Variants in SFXN3 observed in about 807,000 individuals in gnomAD.
The protein encoded by SFXN3 is sideroflexin-3.
SFXN3 carries 31 observed loss-of-function variants against 40.4 expected under a neutral mutation model. The ratio of observed to expected loss-of-function variants is 0.77; its 90% confidence interval spans 0.58 to 1.04. The LOEUF (loss-of-function observed/expected upper bound fraction) is 1.04. Ranked by LOEUF, SFXN3 falls within the 50% of genes least tolerant of loss-of-function variation. The pLI, the probability that SFXN3 is intolerant of heterozygous loss-of-function variation, is 0.00. For missense variants in SFXN3, 366 were observed against 408.2 expected, an observed-to-expected ratio of 0.90 and a Z score of 0.89; for synonymous variants, 157 against 160.0, an observed-to-expected ratio of 0.98 and a Z score of 0.14.
chr10:101,034,885 C>T (rs1418470515), intron 3 of SFXN3, 30 bp downstream of exon 3: 2 of 1,599,652 alleles, frequency 1.3e-6, no homozygotes, highest in Admixed American at 3.5e-5. Context: ...ACCCTGTGTG[C>T]CAGGATCTCA....
chr10:101,034,724 C>A, exon 3 of SFXN3: 2 of 1,614,084 alleles, frequency 1.2e-6, no homozygotes, highest in Non-Finnish European at 1.7e-6. Context: ...ACATCAACAT[C>A]CAGGAACCTC....
At position 101,039,385 on chromosome 10, in the gene SFXN3, A is replaced by C. The variant is rs1938787540; in HGVS notation, c.870-104A>C. On this transcript the variant is annotated intron_variant, in intron 11 of 11. Transcript: ENST00000393459. The surrounding 1 kb of genome is among the most constrained non-coding windows in gnomAD (Gnocchi z 4.6). ...AGTGAGCCAGTCCTTCTGGCAGTAG[A>C]AGGAGAGGATTTTTCAGCCTGGGAG... The C allele has an allele frequency of 6.4e-6, 8 of 1,256,326 alleles. No individual in the cohort carries two copies. Among genetic ancestry groups the C allele is most frequent in the Non-Finnish European group, 9.3e-6 (8 of 858,454 alleles). The allele number at this position is 1,256,326 out of a possible 1,614,324, so 77.8% of individuals were successfully genotyped here. A position where few individuals can be genotyped will look rare whatever the true frequency, so the allele number is the denominator to read the frequency against.
At chr10:101,035,472 G>A (rs759400997) in intron 3 of SFXN3, 25 bp from the exon 4 acceptor site, 2 of 1,584,342 alleles carry the variant, frequency 1.3e-6, no homozygotes, top group East Asian at 2.2e-5. Context: ...GGCATAGCCT[G>A]TCTGCTCCTT....
In SFXN3 at chr10:101,037,794, A is replaced by G. The variant is rs1165444780; in HGVS notation, c.771+363A>G. 4 of 1,164,474 alleles carry G rather than the reference A, an allele frequency of 3.4e-6. No homozygotes were observed. The East Asian group carries it at 2.1e-4, about 60-fold the overall frequency. 72.1% of individuals were successfully genotyped at this position (1,164,474 alleles called of 1,614,324 possible). On this transcript the variant is annotated intron_variant, in intron 9 of 11. Coordinates refer to ENST00000393459, the Ensembl canonical transcript of SFXN3. ...GGTGAACACGCACACACAGACATGA[A>G]CAGGACACGAAAGCAAAGCACAGGA... is the stretch of plus-strand genomic sequence containing the variant.
rs1344554067 is a variant in SFXN3, at chr10:101,032,432, C to G, written c.-54C>G. The G allele has an allele frequency of 2.6e-6, 4 of 1,516,602 alleles. No homozygotes were observed. The East Asian group carries it at 1.1e-4, about 41-fold the overall frequency. 93.9% of individuals were successfully genotyped at this position (1,516,602 alleles called of 1,614,324 possible). ...GGCTGGGAGGGCCCGGCGGCGACAG[C>G]GGAGGCAGAGAGGAAGGCGGTTCTG... is the stretch of plus-strand genomic sequence containing the variant. On this transcript the variant is annotated 5_prime_UTR_variant, in exon 2 of 12. Transcript: ENST00000393459.
exon 1 of SFXN3, chr10:101,031,258 A>C (rs1331168084): frequency 2.0e-5 from 3 of 152,438 alleles, no homozygotes; most frequent in East Asian, 3.9e-4. Context: ...CTTAGGCGCC[A>C]GGGACAGCCG....
At chr10:101,038,675 G>A in exon 10 of SFXN3, 2 of 1,612,456 alleles carry the variant, frequency 1.2e-6, no homozygotes, top group Non-Finnish European at 1.7e-6. Context: ...CCCTGCAGGT[G>A]GGACTGGTGG....
At chr10:101,032,221 C>T in intron 1 of SFXN3, 93 bp from the exon 2 acceptor site, 2 of 471,126 alleles carry the variant, frequency 4.2e-6, no homozygotes, top group Non-Finnish European at 7.6e-6. Flanking sequence ...GAACTGATCC[C>T]CGAGGTGGGA....
exon 12 of SFXN3, chr10:101,040,405 C>G (rs1293560422): frequency 6.6e-6 from 1 of 152,214 alleles, no homozygotes; most frequent in Non-Finnish European, 1.5e-5. Context: ...AACAAAAAGC[C>G]ACAGAGGCAG....
At chr10:101,038,663 A>C (rs779354565) in exon 10 of SFXN3, 4 of 1,613,054 alleles carry the variant, frequency 2.5e-6, no homozygotes, top group South Asian at 1.1e-5. Context: ...GGCTGGGGGC[A>C]CCCCTGCAGG....
chr10:101,034,081 C>G (rs989535897), intron 2 of SFXN3, among the ~76,000 whole-genome samples: 1 of 151,996 alleles, frequency 6.6e-6, no homozygotes, highest in African/African-American at 2.4e-5. Context: ...AGGCTTTCCT[C>G]TTTTACTAAT....
At chr10:101,038,413 A>T in intron 9 of SFXN3, 2 of 1,412,852 alleles carry the variant, frequency 1.4e-6, no homozygotes, top group Non-Finnish European at 1.8e-6. Context: ...CAATTCTGAG[A>T]GGTGAGAGGT....
chr10:101,031,757 T>C (rs1938218462), intron 1 of SFXN3, among the ~76,000 whole-genome samples: 1 of 151,920 alleles, frequency 6.6e-6, no homozygotes, highest in African/African-American at 2.4e-5. Flanking sequence ...GGGGTGGGGC[T>C]ACGGTCTGGG....
At chr10:101,033,565 G>A (rs182567145) in intron 2 of SFXN3, among the ~76,000 whole-genome samples, 8 of 152,210 alleles carry the variant, frequency 5.3e-5, no homozygotes, top group African/African-American at 1.7e-4. Context: ...ACACCTGTGG[G>A]TATTTCTAGT....
At chr10:101,041,000 G>C (rs184783122) in exon 12 of SFXN3, 2 of 151,020 alleles carry the variant, frequency 1.3e-5, no homozygotes, top group Admixed American at 6.6e-5. Flanking sequence ...GGAAGGGCCC[G>C]GGCATCAGTG....
Position 101,036,874 on chromosome 10 carries a change from C to A in SFXN3, c.593+66C>A. On this transcript the variant is annotated intron_variant, in intron 7 of 11. Transcript: ENST00000393459. The surrounding 1 kb of genome is among the most constrained non-coding windows in gnomAD (Gnocchi z 4.2). ...TAGCACACTGTCCATCCACGCAGAC[C>A]ACCTCAGAATGGGGACATCCCTCTC... 1.3e-6 allele frequency: 2 copies of A among 1,582,264 alleles called. No individual in the cohort carries two copies. The highest frequency in any genetic ancestry group is 1.7e-6 in the Non-Finnish European group (2 of 1,158,026).
chr10:101,039,257 G>A lies in SFXN3; in HGVS notation c.869+35G>A, dbSNP rs1436609847. Reference sequence around the variant, plus strand: ...GTCCCTGGGCTGGGTGGGGGACTCTGGATTGGACTCTGCATCTCTGGACCA... The same window carrying A: ...GTCCCTGGGCTGGGTGGGGGACTCTAGATTGGACTCTGCATCTCTGGACCA... On this transcript the variant is annotated intron_variant, in intron 11 of 11. Transcript: ENST00000393459. The surrounding 1 kb of genome is among the most constrained non-coding windows in gnomAD (Gnocchi z 4.6). 1.3e-6 allele frequency: 2 copies of A among 1,574,022 alleles called. No individual in the cohort carries two copies. Among genetic ancestry groups the A allele is most frequent in the Non-Finnish European group, 1.7e-6 (2 of 1,155,176 alleles).
intron 9 of SFXN3, chr10:101,038,284 A>G: frequency 8.3e-7 from 1 of 1,206,936 alleles, no homozygotes; most frequent in South Asian, 2.0e-5. Context: ...GGAAAGGGTC[A>G]GATTCATGCC....
rs1011713529 is a variant in SFXN3, at chr10:101,039,871, G to C, written c.*286G>C. On this transcript the variant is annotated 3_prime_UTR_variant, in exon 12 of 12. Transcript: ENST00000393459. The surrounding 1 kb of genome is among the most constrained non-coding windows in gnomAD (Gnocchi z 4.6). ...TGTGTACATTGGGTCCTGAAAGCTA[G>C]AAGCAGGCATGCTAGCCTAGTATGT... 3 of 405,626 alleles carry C rather than the reference G, an allele frequency of 7.4e-6. No homozygotes were observed. Among genetic ancestry groups the C allele is most frequent in the African/African-American group, 5.9e-5 (3 of 50,590 alleles). The allele number at this position is 405,626 out of a possible 1,614,324, so 25.1% of individuals were successfully genotyped here. A position where few individuals can be genotyped will look rare whatever the true frequency, so the allele number is the denominator to read the frequency against.
Sources: allele counts gnomAD v4.1 joint callset (sites outside exome capture counted in the v4.1 genomes callset), GRCh38; gene constraint gnomAD v4.1.1; non-coding constraint Gnocchi (gnomAD v3.1); transcripts MANE v1.5; gene names NCBI Gene and HGNC (gene_info 2026-07-23, HGNC 2026-07-21).